The following CCDC91 variants were observed in gnomAD, a reference collection of about 807,000 sequenced individuals.
CCDC91 encodes the protein coiled-coil domain containing 91, also known as coiled-coil domain-containing protein 91.
Under a neutral mutation model 63.2 loss-of-function variants are expected in CCDC91, and 48 were observed. The observed-to-expected ratio is 0.76, with a 90% CI of 0.60 to 0.97. CCDC91 has a LOEUF of 0.97. Ranked by LOEUF, CCDC91 falls within the 50% of genes least tolerant of loss-of-function variation. The probability of loss-of-function intolerance (pLI) is 0.00; values close to 1 mark genes in which losing one functional copy is unlikely to be tolerated. For missense variants in CCDC91, 500 were observed against 494.6 expected, an observed-to-expected ratio of 1.01 and a Z score of -0.10; for synonymous variants, 167 against 165.8, an observed-to-expected ratio of 1.01 and a Z score of -0.06.
At chr12:28,392,023 A>G (rs1461455984) in intron 8 of CCDC91, among the ~76,000 whole-genome samples, 2 of 151,550 alleles carry the variant, frequency 1.3e-5, no homozygotes, top group Admixed American at 6.6e-5. Context: ...GTGTTATATC[A>G]TTGGAAGAAA....
intron 1 of CCDC91, among the ~76,000 whole-genome samples, chr12:28,198,140 A>G (rs536640761): frequency 2.6e-5 from 4 of 152,286 alleles, no homozygotes; most frequent in African/African-American, 9.6e-5. Flanking sequence ...CCTTGTATTC[A>G]GAGAAGGTTG....
At position 28,305,689 on chromosome 12, in the gene CCDC91, A is replaced by G. The variant is rs757131155; in HGVS notation, c.150A>G (p.Val50=). Residue 50 remains valine, a synonymous_variant, in exon 4 of 13, where the codon GTA becomes GTG. Coordinates refer to ENST00000536442, the MANE Select transcript of CCDC91 (RefSeq NM_018318.5). ...TTTCACCATCTTCTCCTGAGATTGT[A>G]CTGGACCGTGACCACTCTTCTTCCA... is the stretch of plus-strand genomic sequence containing the variant. ...VHLSPSSPEI[V]LDRDHSSSIG... is the part of the protein sequence containing the mutation. 9 of 1,613,092 alleles carry G rather than the reference A, an allele frequency of 5.6e-6. No homozygotes were observed. Among genetic ancestry groups the G allele is most frequent in the Non-Finnish European group, 7.6e-6 (9 of 1,179,470 alleles).
intron 7 of CCDC91, among the ~76,000 whole-genome samples, chr12:28,380,228 A>G (rs1335995510): frequency 1.3e-5 from 2 of 152,044 alleles, no homozygotes; most frequent in African/African-American, 2.4e-5. Context: ...AATGTAACTG[A>G]CGAGTTGATG....
intron 8 of CCDC91, among the ~76,000 whole-genome samples, chr12:28,394,489 A>G (rs777904432): frequency 6.6e-6 from 1 of 151,842 alleles, no homozygotes; most frequent in Non-Finnish European, 1.5e-5. Context: ...AAAAAAAAAC[A>G]AAGATTAAAG....
At chr12:28,319,314 C>T (rs1940236823) in intron 6 of CCDC91, 1 of 151,742 alleles carries the variant, frequency 6.6e-6, no homozygotes, top group Admixed American at 6.6e-5. Context: ...AGTATTAATG[C>T]CAAAAAATGG....
intron 8 of CCDC91, among the ~76,000 whole-genome samples, chr12:28,406,687 A>G (rs1457852867): frequency 2.0e-5 from 3 of 152,160 alleles, no homozygotes; most frequent in Admixed American, 6.5e-5. Context: ...CCAAGAAACC[A>G]TTGCCTAACT....
chr12:28,250,036 A>C (rs1012316582), intron 1 of CCDC91, among the ~76,000 whole-genome samples: 1 of 152,102 alleles, frequency 6.6e-6, no homozygotes. Flanking sequence ...GAGGGCATAC[A>C]TTTTTTGAAG....
At chr12:28,305,854 G>A in intron 4 of CCDC91, 48 bp downstream of exon 4, 1 of 1,458,490 alleles carries the variant, frequency 6.9e-7, no homozygotes, top group Non-Finnish European at 9.3e-7. Flanking sequence ...TTAAAAAATT[G>A]CCTGCTAATT....
chr12:28,256,067 A>G (rs1459616788), intron 1 of CCDC91: 1 of 152,312 alleles, frequency 6.6e-6, no homozygotes, highest in East Asian at 1.9e-4. Flanking sequence ...GGAAACTATA[A>G]TCAACATTTG....
chr12:28,433,935 T>A (rs553287474), intron 8 of CCDC91, among the ~76,000 whole-genome samples: 1 of 152,046 alleles, frequency 6.6e-6, no homozygotes, highest in East Asian at 1.9e-4. Context: ...TGGTAATTAC[T>A]ATTTCCTTTG....
rs2135602110 is a variant in CCDC91 at position 28,217,728 on chromosome 12, T to G, written c.-15+27087T>G. Among the ~76,000 whole-genome samples, 5 of 152,094 alleles carry G rather than the reference T, an allele frequency of 3.3e-5. 1 individual carries two copies. Among genetic ancestry groups the G allele is most frequent in the Non-Finnish European group, 7.4e-5 (5 of 67,956 alleles). ...CCCTAGGCAGGCTAGGATAAAACTC[T>G]ATGTAATCATTATTTTATGTAACTA... On this transcript the variant is annotated intron_variant, in intron 1 of 12. Transcript: ENST00000536442.
At chr12:28,539,787 G>T (rs1280652066) in intron 12 of CCDC91, among the ~76,000 whole-genome samples, 1 of 152,042 alleles carries the variant, frequency 6.6e-6, no homozygotes, top group Non-Finnish European at 1.5e-5. Context: ...TTCCTGCTTG[G>T]TTCCCTCAGT....
chr12:28,535,312 T>G (rs1942064219), intron 12 of CCDC91, among the ~76,000 whole-genome samples: 1 of 152,192 alleles, frequency 6.6e-6, no homozygotes, highest in Admixed American at 6.5e-5. Flanking sequence ...GCAAATCACA[T>G]GGATAAGCCA....
chr12:28,468,397 A>T (rs1269152178), intron 11 of CCDC91, among the ~76,000 whole-genome samples: 2 of 151,902 alleles, frequency 1.3e-5, no homozygotes, highest in Non-Finnish European at 2.9e-5. Context: ...ATCATGAAGA[A>T]ATTTAAAGCC....
intron 7 of CCDC91, among the ~76,000 whole-genome samples, chr12:28,370,691 T>C (rs1592459773): frequency 6.6e-6 from 1 of 152,208 alleles, no homozygotes; most frequent in Admixed American, 6.5e-5. Flanking sequence ...AAGAACTACT[T>C]GAGACTGGGT....
chr12:28,526,145 C>T lies in CCDC91; in HGVS notation c.1216-22918C>T, dbSNP rs539104546. On this transcript the variant is annotated intron_variant, in intron 12 of 12. Transcript: ENST00000536442. Reference sequence around the variant, plus strand: ...TTCCATTCATCATGCTATTTGTTGCCTGTATACCTTGGTTTTTTTTTTTTT... The same window carrying T: ...TTCCATTCATCATGCTATTTGTTGCTTGTATACCTTGGTTTTTTTTTTTTT... Among the ~76,000 whole-genome samples the T allele has an allele frequency of 2.1e-4, 32 of 149,810 alleles. No individual in the cohort carries two copies. In the South Asian group the frequency reaches 5.1e-3, roughly 24 times the overall value.
chr12:28,313,232 C>CA (rs1457243958), intron 6 of CCDC91, among the ~76,000 whole-genome samples: 1 of 151,728 alleles, frequency 6.6e-6, no homozygotes, highest in African/African-American at 2.4e-5. Flanking sequence ...CTAAATAAAG[C>CA]AAAACATTTA....
intron 12 of CCDC91, among the ~76,000 whole-genome samples, chr12:28,496,414 A>G (rs1010508580): frequency 3.3e-5 from 5 of 151,586 alleles, no homozygotes; most frequent in Admixed American, 2.6e-4. Context: ...GAGCCATAGG[A>G]GCAGAGCAGG....
intron 3 of CCDC91, among the ~76,000 whole-genome samples, chr12:28,302,221 A>G (rs992492360): frequency 1.3e-5 from 2 of 151,988 alleles, no homozygotes; most frequent in Admixed American, 1.3e-4. Context: ...GAAATCTTAT[A>G]GTATCTTAAC....
Sources: gnomAD v4.1 joint callset for allele counts (sites outside exome capture counted in the v4.1 genomes callset) on GRCh38, gnomAD v4.1.1 for gene constraint, MANE v1.5 for transcripts, NCBI Gene and HGNC (gene_info 2026-07-23, HGNC 2026-07-21) for gene names.